THSD4: variants seen among roughly 807,000 people sequenced by gnomAD.
THSD4 encodes thrombospondin type-1 domain-containing protein 4.
THSD4 carries 69 observed loss-of-function variants against 119.0 expected under a neutral mutation model. The ratio of observed to expected loss-of-function variants is 0.58; its 90% CI spans 0.48 to 0.71. The LOEUF (loss-of-function observed/expected upper bound fraction) is 0.71. Among genes scored for constraint, THSD4 ranks in the 30% least tolerant of loss-of-function variants. THSD4 has a pLI of 0.00. For synonymous variants in THSD4, 524 were observed against 540.4 expected, an observed-to-expected ratio of 0.97 and a Z score of 0.42; for missense variants, 1,393 against 1,391.1, an observed-to-expected ratio of 1.00 and a Z score of -0.02.
intron 3 of THSD4, among the ~76,000 whole-genome samples, chr15:71,155,926 G>A (rs2040772684): frequency 6.6e-6 from 1 of 152,138 alleles, no homozygotes; most frequent in African/African-American, 2.4e-5. Context: ...AGTCCCCAAA[G>A]GCCAGCCTCC....
At position 71,524,763 on chromosome 15, in the gene THSD4, ATTTTTTTTT is replaced by A. The variant is rs35666244; in HGVS notation, c.1152+112953_1152+112961del. Among the ~76,000 whole-genome samples, 430 of 116,114 alleles carry A rather than the reference ATTTTTTTTT, an allele frequency of 3.7e-3. 3 individuals carry two copies. The highest frequency in any genetic ancestry group is 0.014 in the African/African-American group (391 of 27,864). 76.2% of individuals were successfully genotyped at this position (116,114 alleles called of 152,430 possible). A position where few individuals can be genotyped will look rare whatever the true frequency, so the allele number is the denominator to read the frequency against. Reference sequence around the variant, plus strand: ...AGGTGCCCACCACCACGCCCGGCTAATTTTTTTTTTTTTTTTTTTTTGTATTTTTTAGTA... The same window carrying A: ...AGGTGCCCACCACCACGCCCGGCTAATTTTTTTTTTTTGTATTTTTTAGTA... On this transcript the variant is annotated intron_variant, in intron 7 of 17. Coordinates refer to ENST00000261862, the MANE Select transcript of THSD4 (RefSeq NM_024817.3).
intron 7 of THSD4, among the ~76,000 whole-genome samples, chr15:71,476,442 A>G (rs879732647): frequency 2.0e-5 from 3 of 152,156 alleles, no homozygotes; most frequent in Non-Finnish European, 2.9e-5. Context: ...GGGTTTCACC[A>G]TGTTGGCCAG....
At chr15:71,570,266 G>A (rs553160466) in intron 7 of THSD4, among the ~76,000 whole-genome samples, 8 of 152,130 alleles carry the variant, frequency 5.3e-5, no homozygotes, top group Non-Finnish European at 8.8e-5. Flanking sequence ...TGGCTTTCTC[G>A]TTTGTGTTGT....
intron 6 of THSD4, among the ~76,000 whole-genome samples, chr15:71,292,879 T>G (rs2044811089): frequency 6.6e-6 from 1 of 152,158 alleles, no homozygotes; most frequent in Non-Finnish European, 1.5e-5. Flanking sequence ...GGTTTCACTG[T>G]GTTAGCCAGG....
At chr15:71,520,014 C>G (rs576503297) in intron 7 of THSD4, among the ~76,000 whole-genome samples, 12 of 152,146 alleles carry the variant, frequency 7.9e-5, no homozygotes, top group Non-Finnish European at 1.3e-4. Context: ...TGAACATGTA[C>G]TGTCTGTCTA....
chr15:71,443,877 T>C (rs2047144637), intron 7 of THSD4, among the ~76,000 whole-genome samples: 1 of 152,256 alleles, frequency 6.6e-6, no homozygotes, highest in Admixed American at 6.5e-5. Context: ...TTCTGTTTTA[T>C]GTTATCTCAT....
In THSD4 at chr15:71,097,727, TA is replaced by T. The variant is rs202074443; in HGVS notation, c.-80+722del. Among the ~76,000 whole-genome samples the T allele has an allele frequency of 7.9e-3, 1,030 of 129,912 alleles. 11 individuals carry two copies. Among genetic ancestry groups the T allele is most frequent in the African/African-American group, 0.023 (786 of 33,846 alleles). 85.2% of individuals were successfully genotyped at this position (129,912 alleles called of 152,430 possible). On this transcript the variant is annotated intron_variant, in intron 1 of 17. Coordinates refer to the THSD4 transcript ENST00000355327. ...AAAGATGTATATATATATATATATA[TA>T]TTTTTTTTTTTAAGTCCAAAGCAAA...
intron 7 of THSD4, among the ~76,000 whole-genome samples, chr15:71,512,925 T>G (rs1409546632): frequency 6.6e-6 from 1 of 152,184 alleles, no homozygotes; most frequent in Non-Finnish European, 1.5e-5. Context: ...GGAGTTCTTT[T>G]AACTCTAGAA....
At chr15:71,155,395 A>G (rs534696785) in intron 3 of THSD4, among the ~76,000 whole-genome samples, 27 of 152,296 alleles carry the variant, frequency 1.8e-4, no homozygotes, top group Admixed American at 1.3e-3. Context: ...CCTATGATCC[A>G]ATCACCTTCC....
At chr15:71,571,568 G>A (rs1595894193) in intron 7 of THSD4, among the ~76,000 whole-genome samples, 1 of 152,104 alleles carries the variant, frequency 6.6e-6, no homozygotes. Flanking sequence ...CAGATGTCTG[G>A]TATGCTTTTC....
intron 3 of THSD4, among the ~76,000 whole-genome samples, chr15:71,193,712 T>C (rs2043693027): frequency 3.0e-5 from 1 of 33,554 alleles, no homozygotes; most frequent in Admixed American, 5.5e-4. Flanking sequence ...ATGGTTTTTC[T>C]TTTCTTTTTT....
intron 4 of THSD4, among the ~76,000 whole-genome samples, chr15:71,231,700 T>A (rs145756009): frequency 6.6e-6 from 1 of 152,234 alleles, no homozygotes; most frequent in African/African-American, 2.4e-5. Flanking sequence ...CAGCAGCAGA[T>A]CTAGTCAAAC....
chr15:71,098,421 T>G (rs796927637), intron 1 of THSD4, among the ~76,000 whole-genome samples: 98 of 152,012 alleles, frequency 6.4e-4, no homozygotes, highest in African/African-American at 2.2e-3. Flanking sequence ...TGTAGAGACA[T>G]GATTTCATAA....
In THSD4 at chr15:71,390,670, A is replaced by G. The variant is rs562470333; in HGVS notation, c.1016-21017A>G. 1.1e-3 allele frequency among the ~76,000 whole-genome samples: 166 copies of G among 152,144 alleles called. 4 individuals are homozygous for G. The South Asian group carries it at 0.033, about 30-fold the overall frequency. The stretch of plus-strand genomic sequence containing the variant: ...GAGGAGTAGTTTACCATATTGAGTT[A>G]CCTAGCAATTTTCCTTGAATCCTGA... On this transcript the variant is annotated intron_variant, in intron 6 of 17. Transcript: ENST00000261862.
chr15:71,705,728 G>C (rs1334472588), intron 8 of THSD4, among the ~76,000 whole-genome samples: 1 of 152,168 alleles, frequency 6.6e-6, no homozygotes, highest in Middle Eastern at 3.2e-3. Context: ...GTCATTCAAT[G>C]ACTACATCAT....
At chr15:71,278,886 G>A (rs962073737) in intron 6 of THSD4, among the ~76,000 whole-genome samples, 1 of 152,110 alleles carries the variant, frequency 6.6e-6, no homozygotes, top group African/African-American at 2.4e-5. Context: ...AAATTTTATC[G>A]AGTGAGCCAT....
chr15:71,777,198 C>T, intron 17 of THSD4, 34 bp from the exon 18 acceptor site: 3 of 1,613,952 alleles, frequency 1.9e-6, no homozygotes, highest in Non-Finnish European at 1.7e-6. Context: ...CTCTTGTGCT[C>T]AGGGAGTCTT....
At chr15:71,667,079 C>G (rs1019796053) in intron 8 of THSD4, among the ~76,000 whole-genome samples, 13 of 152,342 alleles carry the variant, frequency 8.5e-5, no homozygotes, top group Middle Eastern at 3.4e-3. Flanking sequence ...ACTCTGCAGA[C>G]TTGAGCTCCA....
intron 6 of THSD4, among the ~76,000 whole-genome samples, chr15:71,320,175 T>G (rs1441358): frequency 0.38 from 58,052 of 151,992 alleles, 11,808 homozygotes; most frequent in South Asian, 0.54. Context: ...CCCCATCAGG[T>G]TCAACTATGT....
Sources: gnomAD v4.1 joint callset for allele counts (sites outside exome capture counted in the v4.1 genomes callset) on GRCh38, gnomAD v4.1.1 for gene constraint, MANE v1.5 for transcripts, NCBI Gene and HGNC (gene_info 2026-07-23, HGNC 2026-07-21) for gene names.